The following CDKN2C variants were observed in gnomAD, a reference collection of about 807,000 sequenced individuals.
The protein encoded by CDKN2C is cyclin dependent kinase inhibitor 2C, also known as cyclin-dependent kinase 4 inhibitor C.
Under a neutral mutation model 11.0 loss-of-function variants are expected in CDKN2C, and 5 were observed. The observed-to-expected ratio is 0.45, with a 90% confidence interval of 0.24 to 0.95. The LOEUF (loss-of-function observed/expected upper bound fraction) is 0.95, where lower values mean the gene tolerates loss of function less well. Among genes scored for constraint, CDKN2C ranks in the 40% least tolerant of loss-of-function variants. The pLI, the probability that CDKN2C is intolerant of heterozygous loss-of-function variation, is 0.21. For missense variants in CDKN2C, 161 were observed against 211.9 expected (o/e 0.76, Z 1.49); for synonymous variants, 79 against 88.3 (o/e 0.89, Z 0.59).
intron 1 of CDKN2C, among the ~76,000 whole-genome samples, chr1:50,961,152 C>G (rs1355019817): frequency 6.6e-6 from 1 of 152,174 alleles, no homozygotes; most frequent in Non-Finnish European, 1.5e-5. Flanking sequence ...TCTCCTGCCT[C>G]AGCCTCCATA....
upstream of CDKN2C, chr1:50,969,931 T>A (rs1645370295): frequency 4.1e-6 from 1 of 244,868 alleles, no homozygotes; most frequent in Non-Finnish European, 8.1e-6. This position sits in a 1 kb window ranked among gnomAD's most constrained non-coding sequence, Gnocchi z 6.6. Context: ...CCCCTGAATG[T>A]CTTTCCTTCC....
upstream of CDKN2C, among the ~76,000 whole-genome samples, chr1:50,966,482 C>A (rs1161602100): frequency 2.0e-5 from 3 of 152,156 alleles, no homozygotes; most frequent in Non-Finnish European, 4.4e-5. Flanking sequence ...GAAAGCACCA[C>A]TCTCAATATA....
In CDKN2C at chr1:50,973,986, C is replaced by G; in HGVS notation, c.223C>G (p.His75Asp). 1 of 1,614,222 alleles carries G rather than the reference C, an allele frequency of 6.2e-7. No individual in the cohort carries two copies. The highest frequency in any genetic ancestry group is 8.5e-7 in the Non-Finnish European group (1 of 1,180,036). ...LKDRTGFAVIHDAARAGFLDT... is the reference protein window; with the variant it reads ...LKDRTGFAVIDDAARAGFLDT... ...AGACCGAACTGGTTTCGCTGTCATTCATGATGCGGCCAGAGCAGGTTTCCT... is the reference window on the plus strand; with the variant it reads ...AGACCGAACTGGTTTCGCTGTCATTGATGATGCGGCCAGAGCAGGTTTCCT... The change falls in exon 2 of 2, where the codon CAT (histidine) becomes GAT (aspartate). Residue 75 changes from histidine (H) to aspartate (D), a missense_variant. Physicochemically the swap from His to Asp is moderately conservative, Grantham distance 81. Coordinates refer to ENST00000371761, the MANE Select transcript of CDKN2C (RefSeq NM_078626.3).
intron 1 of CDKN2C, among the ~76,000 whole-genome samples, chr1:50,964,995 G>A (rs1645341035): frequency 6.6e-6 from 1 of 152,058 alleles, no homozygotes; most frequent in Admixed American, 6.6e-5. Flanking sequence ...AGAGATTGGA[G>A]TGAGCTGAGA....
At chr1:50,973,556 T>C (rs998669019) in intron 1 of CDKN2C, among the ~76,000 whole-genome samples, 25 of 152,236 alleles carry the variant, frequency 1.6e-4, no homozygotes, top group African/African-American at 6.0e-4. Flanking sequence ...TTTTAATAAA[T>C]TCGTGAAATT....
In CDKN2C at chr1:50,974,382, A is replaced by C. The variant is rs1645396969; in HGVS notation, c.*112A>C. On this transcript the variant is annotated 3_prime_UTR_variant, in exon 2 of 2. Transcript: ENST00000371761. ...AGTTCTGTCATATGTTAAGCAGCTA[A>C]ATTTTCTGAAACTGCATAAGTGAAA... 7 of 1,117,628 alleles carry C rather than the reference A, an allele frequency of 6.3e-6. No individual in the cohort carries two copies. The highest frequency in any genetic ancestry group is 8.5e-6 in the Non-Finnish European group (7 of 821,612). The allele number at this position is 1,117,628 out of a possible 1,614,324, so 69.2% of individuals were successfully genotyped here.
upstream of CDKN2C, among the ~76,000 whole-genome samples, chr1:50,966,235 G>A (rs1489850182): frequency 6.6e-6 from 1 of 152,046 alleles, no homozygotes; most frequent in Non-Finnish European, 1.5e-5. Context: ...TGGAGTTGGG[G>A]TTTAACCATG....
chr1:50,963,614 A>G (rs1645335183), intron 1 of CDKN2C, among the ~76,000 whole-genome samples: 1 of 152,176 alleles, frequency 6.6e-6, no homozygotes, highest in Admixed American at 6.5e-5. Context: ...ACCATTCCCA[A>G]AGACACTGTT....
At chr1:50,968,272 T>C (rs941952721), upstream of CDKN2C, 2 of 152,338 alleles carry the variant, frequency 1.3e-5, no homozygotes, top group African/African-American at 4.8e-5. Context: ...CGGGCCGACC[T>C]GCCCCGCTAG....
Position 50,970,346 on chromosome 1 carries a change from C to T in CDKN2C, c.-23C>T, listed in dbSNP as rs1262126396. 1 of 1,613,816 alleles carries T rather than the reference C, an allele frequency of 6.2e-7. No homozygotes were observed. On this transcript the variant is annotated 5_prime_UTR_variant, in exon 1 of 2. Coordinates refer to ENST00000371761, the MANE Select transcript of CDKN2C (RefSeq NM_078626.3). ...AAGAAAAACGACTAATTCATCTTTT[C>T]CTGATCGTCAGGACCCTAAAGAATG... is the stretch of plus-strand genomic sequence containing the variant.
intron 1 of CDKN2C, among the ~76,000 whole-genome samples, chr1:50,972,534 T>C (rs1296099232): frequency 6.6e-6 from 1 of 152,084 alleles, no homozygotes; most frequent in Non-Finnish European, 1.5e-5. Context: ...TGAGTGTCTA[T>C]TATACAAGAT....
At chr1:50,973,444 C>A in intron 1 of CDKN2C, among the ~76,000 whole-genome samples, 1 of 152,072 alleles carries the variant, frequency 6.6e-6, no homozygotes, top group East Asian at 1.9e-4. Context: ...AAAGTTTAAC[C>A]ACATATGATT....
rs1308417505 is a variant in CDKN2C at position 50,974,081 on chromosome 1, C to T, written c.318C>T (p.Pro106=). The part of the protein sequence containing the change: ...VNIEDNEGNL[P]LHLAAKEGHL... Reference sequence around the variant, plus strand: ...TCGAGGATAATGAAGGGAACCTGCCCTTGCACTTGGCTGCCAAAGAAGGCC... The same window carrying T: ...TCGAGGATAATGAAGGGAACCTGCCTTTGCACTTGGCTGCCAAAGAAGGCC... Residue 106 remains proline (P), a synonymous_variant, in exon 2 of 2, where the codon CCC becomes CCT. Coordinates refer to ENST00000371761, the MANE Select transcript of CDKN2C (RefSeq NM_078626.3). The T allele has an allele frequency of 2.5e-6, 4 of 1,614,166 alleles. No individual in the cohort carries two copies. Among genetic ancestry groups the T allele is most frequent in the African/African-American group, 2.7e-5 (2 of 75,042 alleles).
chr1:50,969,556 G>C (rs1645368280), upstream of CDKN2C: 1 of 152,192 alleles, frequency 6.6e-6, no homozygotes, highest in African/African-American at 2.4e-5. This position sits in a 1 kb window ranked among gnomAD's most constrained non-coding sequence, Gnocchi z 6.6. Flanking sequence ...TCTGAGGCTC[G>C]GCGGGGCTGC....
chr1:50,966,395 G>T (rs1645347429), upstream of CDKN2C, among the ~76,000 whole-genome samples: 1 of 152,084 alleles, frequency 6.6e-6, no homozygotes, highest in South Asian at 2.1e-4. Context: ...AGGTTTCCAT[G>T]ACTGTTAATA....
intron 1 of CDKN2C, 104 bp from the exon 2 acceptor site, chr1:50,973,789 A>G (rs1645392291): frequency 7.1e-7 from 1 of 1,414,974 alleles, no homozygotes; most frequent in African/African-American, 1.4e-5. Flanking sequence ...CAAGAACTCC[A>G]TCAAAAATAA....
At chr1:50,968,871 C>G (rs1190790757), upstream of CDKN2C, 2 of 151,976 alleles carry the variant, frequency 1.3e-5, no homozygotes, top group African/African-American at 4.9e-5. Flanking sequence ...AAAAAAGCAG[C>G]AAGGGAGGGA....
chr1:50,965,837 C>A, upstream of CDKN2C, among the ~76,000 whole-genome samples: 1 of 152,120 alleles, frequency 6.6e-6, no homozygotes, highest in East Asian at 1.9e-4. Context: ...AAAAGGCTGC[C>A]TGGGGGTGCC....
At chr1:50,968,053 C>T (rs1645355887), upstream of CDKN2C, 1 of 152,294 alleles carries the variant, frequency 6.6e-6, no homozygotes, top group Non-Finnish European at 1.5e-5. Flanking sequence ...TTTGTGAGCA[C>T]TGTGCTTAGT....
Sources: allele counts gnomAD v4.1 joint callset (sites outside exome capture counted in the v4.1 genomes callset), GRCh38; gene constraint gnomAD v4.1.1; non-coding constraint Gnocchi (gnomAD v3.1); transcripts MANE v1.5; gene names NCBI Gene and HGNC (gene_info 2026-07-23, HGNC 2026-07-21).